MSRA: variants seen among roughly 807,000 people sequenced by gnomAD.
MSRA encodes the protein methionine sulfoxide reductase A.
Under a neutral mutation model 31.3 loss-of-function variants are expected in MSRA, and 54 were observed. The ratio of observed to expected loss-of-function variants is 1.73; its 90% CI spans 1.39 to 2.17. The LOEUF (loss-of-function observed/expected upper bound fraction) is 2.17. MSRA is among the 30% of genes most tolerant of loss of function. MSRA has a pLI of 0.00. For synonymous variants in MSRA, 169 were observed against 116.5 expected (o/e 1.45, Z -2.90); for missense variants, 507 against 300.9 (o/e 1.69, Z -5.07).
chr8:10,130,004 A>G (rs1801783448), intron 1 of MSRA, among the ~76,000 whole-genome samples: 1 of 152,298 alleles, frequency 6.6e-6, no homozygotes, highest in Non-Finnish European at 1.5e-5. Flanking sequence ...CCATCCATCC[A>G]TATGCTAGCA....
intron 1 of MSRA, among the ~76,000 whole-genome samples, chr8:10,157,791 T>C (rs149342779): frequency 5.3e-5 from 8 of 152,168 alleles, no homozygotes; most frequent in African/African-American, 1.7e-4. Context: ...CTTCTTTCTC[T>C]CTCTCCCCAT....
intron 2 of MSRA, among the ~76,000 whole-genome samples, chr8:10,229,545 G>T (rs564219578): frequency 6.6e-6 from 1 of 152,158 alleles, no homozygotes; most frequent in Admixed American, 6.5e-5. Flanking sequence ...GGACTGAGAG[G>T]GGATTTAGAG....
intron 5 of MSRA, among the ~76,000 whole-genome samples, chr8:10,391,757 A>G (rs1683287076): frequency 6.6e-6 from 1 of 152,178 alleles, no homozygotes; most frequent in African/African-American, 2.4e-5. Context: ...CAAGAAGAGC[A>G]TTTCATGTCC....
At chr8:10,402,685 G>A (rs1585693829) in intron 5 of MSRA, among the ~76,000 whole-genome samples, 1 of 152,316 alleles carries the variant, frequency 6.6e-6, no homozygotes, top group African/African-American at 2.4e-5. Flanking sequence ...AGTCACAGTA[G>A]CATTGGGAAA....
At chr8:10,149,123 C>CTT (rs35648929) in intron 1 of MSRA, among the ~76,000 whole-genome samples, 2 of 141,466 alleles carry the variant, frequency 1.4e-5, no homozygotes, top group African/African-American at 2.6e-5. Flanking sequence ...ACCTGGCTAA[C>CTT]TTTTTTTTTT....
chr8:10,219,469 A>G (rs887498485), intron 2 of MSRA, among the ~76,000 whole-genome samples: 1 of 151,972 alleles, frequency 6.6e-6, no homozygotes, highest in Non-Finnish European at 1.5e-5. Context: ...TCTTTTTTGG[A>G]ACAGTGTTGT....
intron 1 of MSRA, among the ~76,000 whole-genome samples, chr8:10,163,652 C>A (rs1411245197): frequency 2.0e-5 from 3 of 152,222 alleles, no homozygotes. Context: ...TGGGTGGAAA[C>A]AGAATTCTAC....
intron 5 of MSRA, among the ~76,000 whole-genome samples, chr8:10,410,662 C>G (rs1435575224): frequency 6.6e-6 from 1 of 152,184 alleles, no homozygotes; most frequent in East Asian, 1.9e-4. Context: ...CCAGGCCCCT[C>G]TTGTCCCCAA....
rs117733162 is a variant in MSRA at position 10,061,959 on chromosome 8, G to A, written c.142+7301G>A. Among the ~76,000 whole-genome samples, 25 of 152,298 alleles carry A rather than the reference G, an allele frequency of 1.6e-4. No individual in the cohort carries two copies. In the East Asian group the frequency reaches 3.3e-3, roughly 20 times the overall value. On this transcript the variant is annotated intron_variant, in intron 1 of 5. Coordinates refer to ENST00000317173, the MANE Select transcript of MSRA (RefSeq NM_012331.5). ...CAGTCCACGTGGGGCCTTGGCCTGC[G>A]ATCTTCAGGCTCAGGAGTTATTGTG...
At chr8:10,316,689 G>C (rs1258607660) in intron 4 of MSRA, among the ~76,000 whole-genome samples, 3 of 151,972 alleles carry the variant, frequency 2.0e-5, no homozygotes, top group Non-Finnish European at 4.4e-5. Flanking sequence ...AGTTAAAATG[G>C]ACAGGATTAA....
chr8:10,372,844 G>A (rs761411986), intron 5 of MSRA, among the ~76,000 whole-genome samples: 1 of 152,224 alleles, frequency 6.6e-6, no homozygotes, highest in Non-Finnish European at 1.5e-5. Context: ...AGGATTTCCT[G>A]TATAGGCTTA....
intron 3 of MSRA, among the ~76,000 whole-genome samples, chr8:10,265,669 A>G (rs996170576): frequency 6.6e-6 from 1 of 152,220 alleles, no homozygotes; most frequent in Non-Finnish European, 1.5e-5. Flanking sequence ...TGACATAGGT[A>G]GACACTGTAA....
chr8:10,389,573 G>A (rs1042246785), intron 5 of MSRA, among the ~76,000 whole-genome samples: 5 of 152,122 alleles, frequency 3.3e-5, no homozygotes, highest in African/African-American at 1.2e-4. Context: ...ACCACTGACA[G>A]GACTCCTTCC....
chr8:10,356,856 C>T (rs552495358), intron 5 of MSRA, among the ~76,000 whole-genome samples: 2 of 147,832 alleles, frequency 1.4e-5, no homozygotes, highest in East Asian at 3.9e-4. Context: ...ACAGCGTGCA[C>T]GTTCCTTGCT....
At chr8:10,185,373 C>G (rs1163847913) in intron 1 of MSRA, among the ~76,000 whole-genome samples, 2 of 152,260 alleles carry the variant, frequency 1.3e-5, no homozygotes, top group South Asian at 4.1e-4. Flanking sequence ...AAAGATTTTA[C>G]CTAAGCATTG....
intron 1 of MSRA, among the ~76,000 whole-genome samples, chr8:10,061,310 GC>G (rs1802706619): frequency 6.6e-6 from 1 of 152,142 alleles, no homozygotes; most frequent in African/African-American, 2.4e-5. Context: ...TTAAAGGCCT[GC>G]TTAGGAAAGA....
intron 5 of MSRA, among the ~76,000 whole-genome samples, chr8:10,408,630 T>G (rs1673054196): frequency 6.6e-6 from 1 of 152,214 alleles, no homozygotes; most frequent in Non-Finnish European, 1.5e-5. Context: ...TACAGTTCTG[T>G]TGCATGCATA....
intron 5 of MSRA, among the ~76,000 whole-genome samples, chr8:10,425,412 G>A (rs921208243): frequency 6.6e-6 from 1 of 152,240 alleles, no homozygotes; most frequent in African/African-American, 2.4e-5. Context: ...TCCCCAAGGG[G>A]GTCCCTGGGC....
At chr8:10,406,742 A>C (rs925503930) in intron 5 of MSRA, among the ~76,000 whole-genome samples, 3 of 152,220 alleles carry the variant, frequency 2.0e-5, no homozygotes, top group African/African-American at 7.2e-5. Flanking sequence ...ATTTCTCCAA[A>C]AAGTGCAATT....
Sources: allele counts gnomAD v4.1 joint callset (sites outside exome capture counted in the v4.1 genomes callset), GRCh38; gene constraint gnomAD v4.1.1; transcripts MANE v1.5; gene names NCBI Gene and HGNC (gene_info 2026-07-23, HGNC 2026-07-21).